Variants in CSMD1 observed in about 807,000 individuals in gnomAD.
CSMD1 encodes the protein CUB and sushi domain-containing protein 1.
A neutral mutation model predicts 417.5 loss-of-function variants in CSMD1; 213 were observed. The observed-to-expected ratio is 0.51, with a 90% CI of 0.46 to 0.57. The LOEUF (loss-of-function observed/expected upper bound fraction) is 0.57, where lower values mean the gene tolerates loss of function less well. CSMD1 is among the 20% of genes least tolerant of loss of function. The pLI is 0.00. For missense variants in CSMD1, 6,923 were observed against 4,529.7 expected (o/e 1.53, Z -15.17); for synonymous variants, 2,862 against 1,736.8 (o/e 1.65, Z -16.11).
chr8:3,957,335 T>C (rs2740847), intron 5 of CSMD1, among the ~76,000 whole-genome samples: 69,185 of 151,998 alleles, frequency 0.46, 16,556 homozygotes, highest in East Asian at 0.73. Context: ...CAACAAATAT[T>C]TATGAGTGTG....
At chr8:3,490,931 C>A (rs1459905618) in intron 11 of CSMD1, among the ~76,000 whole-genome samples, 5 of 151,880 alleles carry the variant, frequency 3.3e-5, no homozygotes, top group African/African-American at 1.2e-4. Flanking sequence ...GGCAAGGGTG[C>A]AGAAAAATAG....
intron 5 of CSMD1, among the ~76,000 whole-genome samples, chr8:3,919,730 G>T (rs1049050336): frequency 6.6e-6 from 1 of 152,004 alleles, no homozygotes; most frequent in Non-Finnish European, 1.5e-5. Flanking sequence ...GCGTAGTATG[G>T]ACATTTTAAA....
chr8:3,545,682 T>C (rs934593600), intron 10 of CSMD1, among the ~76,000 whole-genome samples: 11 of 152,124 alleles, frequency 7.2e-5, no homozygotes, highest in Admixed American at 2.0e-4. Context: ...TTTGGCAAAA[T>C]TGAGGACACT....
chr8:4,333,645 C>T (rs557519262), intron 3 of CSMD1, among the ~76,000 whole-genome samples: 2 of 152,248 alleles, frequency 1.3e-5, no homozygotes, highest in African/African-American at 2.4e-5. Flanking sequence ...AATCTAGACA[C>T]ACTGAGAACA....
intron 41 of CSMD1, among the ~76,000 whole-genome samples, chr8:3,136,422 G>T (rs116397274): frequency 0.042 from 6,346 of 151,824 alleles, 323 homozygotes; most frequent in African/African-American, 0.12. Context: ...TCCCCACCAT[G>T]CCCAGCTAGT....
At chr8:3,856,695 G>C (rs1191526439) in intron 5 of CSMD1, among the ~76,000 whole-genome samples, 1 of 152,168 alleles carries the variant, frequency 6.6e-6, no homozygotes, top group African/African-American at 2.4e-5. Flanking sequence ...AGTGAAAGCT[G>C]GGAAGATAGG....
At chr8:4,898,915 G>C (rs1268784196) in intron 1 of CSMD1, among the ~76,000 whole-genome samples, 1 of 152,046 alleles carries the variant, frequency 6.6e-6, no homozygotes, top group Non-Finnish European at 1.5e-5. Context: ...AATAAGATTA[G>C]ATTTAGAGAT....
At chr8:4,892,065 G>A (rs1008627535) in intron 1 of CSMD1, among the ~76,000 whole-genome samples, 1 of 152,050 alleles carries the variant, frequency 6.6e-6, no homozygotes, top group African/African-American at 2.4e-5. Context: ...GTCAGTAGAA[G>A]GTGCGGGAGG....
intron 4 of CSMD1, among the ~76,000 whole-genome samples, chr8:4,019,616 G>T (rs1796690442): frequency 6.6e-6 from 1 of 152,138 alleles, no homozygotes; most frequent in Non-Finnish European, 1.5e-5. Flanking sequence ...GAAGACAAGT[G>T]ATTTCCTTGA....
At chr8:4,648,603 G>C (rs148204888) in intron 1 of CSMD1, among the ~76,000 whole-genome samples, 1 of 152,054 alleles carries the variant, frequency 6.6e-6, no homozygotes, top group Non-Finnish European at 1.5e-5. Context: ...TTGCACAGTG[G>C]CTGCATGGAT....
intron 2 of CSMD1, among the ~76,000 whole-genome samples, chr8:4,589,303 T>A (rs1218654643): frequency 6.6e-6 from 1 of 152,202 alleles, no homozygotes; most frequent in Non-Finnish European, 1.5e-5. Flanking sequence ...CCAATAAGAA[T>A]GATGCCTCAG....
At chr8:4,849,446 T>G (rs1424401716) in intron 1 of CSMD1, among the ~76,000 whole-genome samples, 1 of 152,150 alleles carries the variant, frequency 6.6e-6, no homozygotes, top group Admixed American at 6.5e-5. Context: ...ACAACGGTTG[T>G]AAAGTCCACA....
chr8:3,880,807 A>G (rs1393724972), intron 5 of CSMD1, among the ~76,000 whole-genome samples: 1 of 152,202 alleles, frequency 6.6e-6, no homozygotes, highest in Non-Finnish European at 1.5e-5. Context: ...ATGGTTGGTT[A>G]TAAAGATAAT....
At chr8:3,696,411 T>C (rs1327167237) in intron 7 of CSMD1, among the ~76,000 whole-genome samples, 2 of 152,244 alleles carry the variant, frequency 1.3e-5, no homozygotes, top group African/African-American at 4.8e-5. Flanking sequence ...GACTTAGTTT[T>C]CTTCTCTGAC....
At chr8:3,385,080 A>G (rs866902263) in intron 18 of CSMD1, among the ~76,000 whole-genome samples, 4 of 108,348 alleles carry the variant, frequency 3.7e-5, no homozygotes, top group African/African-American at 1.2e-4. Flanking sequence ...ATATATATAT[A>G]ATTTATATAT....
chr8:3,969,489 T>A (rs1287836835), intron 5 of CSMD1, among the ~76,000 whole-genome samples: 1 of 152,208 alleles, frequency 6.6e-6, no homozygotes, highest in African/African-American at 2.4e-5. Context: ...TTGTGTTTTT[T>A]TTCCCCTTTC....
At chr8:3,721,461 G>A (rs951447600) in intron 6 of CSMD1, among the ~76,000 whole-genome samples, 1 of 152,268 alleles carries the variant, frequency 6.6e-6, no homozygotes, top group African/African-American at 2.4e-5. Context: ...ATGGGACTGA[G>A]TCCATTAGTT....
chr8:3,410,412 T>G (rs1393168331), intron 12 of CSMD1, among the ~76,000 whole-genome samples: 2 of 152,182 alleles, frequency 1.3e-5, no homozygotes, highest in African/African-American at 4.8e-5. Context: ...TCCCACGTGT[T>G]GTGGCAGGGA....
chr8:4,992,796 G>A (rs1224511330), intron 1 of CSMD1, among the ~76,000 whole-genome samples: 2 of 152,240 alleles, frequency 1.3e-5, no homozygotes, highest in Non-Finnish European at 2.9e-5. Context: ...CGGGTGGGCA[G>A]AGGGTCGGCG....
Sources: gnomAD v4.1 joint callset for allele counts (sites outside exome capture counted in the v4.1 genomes callset) on GRCh38, gnomAD v4.1.1 for gene constraint, MANE v1.5 for transcripts, NCBI Gene and HGNC (gene_info 2026-07-23, HGNC 2026-07-21) for gene names.